Variants in TMEM65 observed in about 807,000 individuals in gnomAD.
TMEM65 encodes transmembrane protein 65.
In TMEM65, 22 loss-of-function variants were observed where a neutral mutation model predicts 25.4. The observed-to-expected ratio is 0.86, with a 90% confidence interval of 0.62 to 1.23. TMEM65 has a LOEUF of 1.23. Among genes scored for constraint, TMEM65 ranks in the 50% most tolerant of loss-of-function variants. The probability of loss-of-function intolerance (pLI) is 0.00; values close to 1 mark genes in which losing one functional copy is unlikely to be tolerated. For missense variants in TMEM65, 262 were observed against 308.2 expected (o/e 0.85, Z 1.12); for synonymous variants, 132 against 126.2 (o/e 1.05, Z -0.31).
chr8:124,367,488 T>C (rs542669496), intron 1 of TMEM65, among the ~76,000 whole-genome samples: 2 of 151,962 alleles, frequency 1.3e-5, no homozygotes, highest in East Asian at 3.8e-4. Flanking sequence ...ATAAAAAAAA[T>C]TTAAGAAAAG....
At chr8:124,358,812 C>G (rs560647377) in intron 1 of TMEM65, among the ~76,000 whole-genome samples, 1 of 152,184 alleles carries the variant, frequency 6.6e-6, no homozygotes, top group Non-Finnish European at 1.5e-5. Flanking sequence ...CAGAAACAAG[C>G]GGCCAAGTGA....
At position 124,307,499 on chromosome 8, in the gene TMEM65, G is replaced by C. The variant is rs1254156170; in HGVS notation, c.*6461C>G. On this transcript the variant is annotated 3_prime_UTR_variant, in exon 7 of 7. Transcript: ENST00000297632. Reference sequence around the variant, plus strand: ...TGAAGCCATTACTGCATCTATACCAGCAAACCTTACACTTTTTGTGATATA... The same window carrying C: ...TGAAGCCATTACTGCATCTATACCACCAAACCTTACACTTTTTGTGATATA... The C allele has an allele frequency of 2.6e-5, 4 of 151,860 alleles. No individual in the cohort carries two copies. The highest frequency in any genetic ancestry group is 4.4e-5 in the Non-Finnish European group (3 of 67,990). The allele number at this position is 151,860 out of a possible 1,614,324, so 9.4% of individuals were successfully genotyped here.
At chr8:124,347,031 G>A (rs17297352) in intron 1 of TMEM65, among the ~76,000 whole-genome samples, 9,062 of 152,044 alleles carry the variant, frequency 0.06, 266 homozygotes, top group Non-Finnish European at 0.063. Flanking sequence ...AAAGTCTAAC[G>A]TGCACCAAAA....
chr8:124,352,763 G>C (rs531585646), intron 1 of TMEM65, among the ~76,000 whole-genome samples: 32 of 152,200 alleles, frequency 2.1e-4, no homozygotes, highest in African/African-American at 6.7e-4. Context: ...CAGAAGCCTA[G>C]AACAGCGTTT....
chr8:124,321,899 A>G (rs780209563), intron 5 of TMEM65, among the ~76,000 whole-genome samples: 15 of 152,212 alleles, frequency 9.9e-5, no homozygotes, highest in Non-Finnish European at 1.8e-4. Flanking sequence ...CTAATAATGT[A>G]TAACTGGGAT....
intron 1 of TMEM65, among the ~76,000 whole-genome samples, chr8:124,347,753 T>C (rs989153279): frequency 2.0e-5 from 3 of 152,084 alleles, no homozygotes; most frequent in South Asian, 2.1e-4. Context: ...AGGACAGGAG[T>C]TGGCCAGAAG....
chr8:124,322,060 G>T, intron 5 of TMEM65, 45 bp downstream of exon 5: 1 of 1,375,856 alleles, frequency 7.3e-7, no homozygotes, highest in East Asian at 2.4e-5. Context: ...GGAACAGAAA[G>T]ACAGCAAGTA....
At chr8:124,345,958 G>A (rs1814635792) in intron 1 of TMEM65, among the ~76,000 whole-genome samples, 1 of 152,108 alleles carries the variant, frequency 6.6e-6, no homozygotes, top group Non-Finnish European at 1.5e-5. Flanking sequence ...TGTTGGTCAG[G>A]CTTGTCTGGA....
chr8:124,346,299 G>A (rs1814639966), intron 1 of TMEM65, among the ~76,000 whole-genome samples: 1 of 152,094 alleles, frequency 6.6e-6, no homozygotes, highest in Non-Finnish European at 1.5e-5. Flanking sequence ...TCGACAGGTG[G>A]GGATTACAAT....
At chr8:124,333,243 T>C (rs1381736669) in intron 1 of TMEM65, among the ~76,000 whole-genome samples, 2 of 151,836 alleles carry the variant, frequency 1.3e-5, no homozygotes, top group Admixed American at 6.6e-5. Flanking sequence ...CAGTGATCTG[T>C]ATGGGTTTTA....
At chr8:124,369,530 G>C (rs935081855) in intron 1 of TMEM65, among the ~76,000 whole-genome samples, 6 of 152,084 alleles carry the variant, frequency 3.9e-5, no homozygotes, top group Non-Finnish European at 7.4e-5. Context: ...CCTTTAAATA[G>C]AATTAATTTT....
At chr8:124,347,763 G>A (rs1008988304) in intron 1 of TMEM65, among the ~76,000 whole-genome samples, 6 of 152,024 alleles carry the variant, frequency 3.9e-5, no homozygotes, top group Non-Finnish European at 8.8e-5. Flanking sequence ...TTGGCCAGAA[G>A]CAATCACAAA....
At chr8:124,345,412 A>C (rs1021044493) in intron 1 of TMEM65, among the ~76,000 whole-genome samples, 5 of 152,320 alleles carry the variant, frequency 3.3e-5, no homozygotes, top group African/African-American at 1.2e-4. Context: ...AATTTTTCTA[A>C]AGATTATCTT....
intron 6 of TMEM65, among the ~76,000 whole-genome samples, chr8:124,319,536 A>G (rs1181872467): frequency 6.6e-6 from 1 of 151,666 alleles, no homozygotes; most frequent in African/African-American, 2.4e-5. Context: ...CCCTTTTTTT[A>G]TCATCCTCTT....
rs1188769225 is a variant in TMEM65, at chr8:124,312,928, G to A, written c.*1032C>T. On this transcript the variant is annotated 3_prime_UTR_variant, in exon 7 of 7. Transcript: ENST00000297632. ...AATGAGATTAGGAGTATGAATATGG[G>A]GTATTCAGACTTATTCCATTCAGAT... 6.6e-6 allele frequency: 1 copy of A among 150,944 alleles called. No homozygotes were observed. The highest frequency in any genetic ancestry group is 1.5e-5 in the Non-Finnish European group (1 of 67,608). The allele number at this position is 150,944 out of a possible 1,614,324, so 9.4% of individuals were successfully genotyped here.
At chr8:124,321,124 G>A (rs2131196797) in intron 5 of TMEM65, among the ~76,000 whole-genome samples, 1 of 152,212 alleles carries the variant, frequency 6.6e-6, no homozygotes, top group Admixed American at 6.5e-5. Flanking sequence ...TTTATGCCAG[G>A]AATTCGAAGA....
At chr8:124,318,223 A>G (rs73332141) in intron 6 of TMEM65, among the ~76,000 whole-genome samples, 6,329 of 152,108 alleles carry the variant, frequency 0.042, 481 homozygotes, top group African/African-American at 0.14. Context: ...TTCATCACCA[A>G]TTGAGCTTCT....
intron 1 of TMEM65, among the ~76,000 whole-genome samples, chr8:124,367,327 A>G (rs1814951777): frequency 6.6e-6 from 1 of 152,112 alleles, no homozygotes; most frequent in Non-Finnish European, 1.5e-5. Flanking sequence ...TACAAAACTT[A>G]GCCAATCACA....
intron 1 of TMEM65, among the ~76,000 whole-genome samples, chr8:124,350,736 T>A (rs1204385774): frequency 6.6e-6 from 1 of 152,126 alleles, no homozygotes; most frequent in Non-Finnish European, 1.5e-5. Context: ...TTTTACCTAC[T>A]CATTTGTCCT....
Sources: gnomAD v4.1 joint callset for allele counts (sites outside exome capture counted in the v4.1 genomes callset) on GRCh38, gnomAD v4.1.1 for gene constraint, MANE v1.5 for transcripts, NCBI Gene and HGNC (gene_info 2026-07-23, HGNC 2026-07-21) for gene names.